DLGAP2: variants seen among roughly 807,000 people sequenced by gnomAD.
DLGAP2 encodes the protein disks large-associated protein 2.
Under a neutral mutation model 100.3 loss-of-function variants are expected in DLGAP2, and 26 were observed. The ratio of observed to expected loss-of-function variants is 0.26; its 90% CI spans 0.19 to 0.36. DLGAP2 has a LOEUF of 0.36. DLGAP2 is among the 10% of genes least tolerant of loss of function. DLGAP2 has a pLI of 1.00. For synonymous variants in DLGAP2, 886 were observed against 630.1 expected (o/e 1.41, Z -6.08); for missense variants, 1,858 against 1,453.2 (o/e 1.28, Z -4.53).
At chr8:1,265,050 C>G (rs955031602) in intron 3 of DLGAP2, among the ~76,000 whole-genome samples, 1 of 152,090 alleles carries the variant, frequency 6.6e-6, no homozygotes, top group South Asian at 2.1e-4. Flanking sequence ...CATTAAACCT[C>G]TTTTTAAAAA....
chr8:1,237,148 T>G (rs1798676960), intron 2 of DLGAP2, among the ~76,000 whole-genome samples: 2 of 137,458 alleles, frequency 1.5e-5, no homozygotes. Flanking sequence ...TCTAGTTCTC[T>G]CACATGGCGC....
rs1056296964 is a variant in DLGAP2 at position 890,725 on chromosome 8, A to G, written c.19-17187A>G. Reference sequence around the variant, plus strand: ...CAGATTCAATGTTGTCCTATCACAGATCCCCTTGGCAGAGTGTGGCTGGGA... The same window carrying G: ...CAGATTCAATGTTGTCCTATCACAGGTCCCCTTGGCAGAGTGTGGCTGGGA... On this transcript the variant is annotated intron_variant, in intron 1 of 14. Coordinates refer to ENST00000637795, the MANE Select transcript of DLGAP2 (RefSeq NM_001346810.2). 5.3e-5 allele frequency among the ~76,000 whole-genome samples: 8 copies of G among 151,896 alleles called. No individual in the cohort carries two copies. In the East Asian group the frequency reaches 1.6e-3, roughly 30 times the overall value.
chr8:923,089 C>G (rs1204789716), intron 2 of DLGAP2, among the ~76,000 whole-genome samples: 1 of 152,018 alleles, frequency 6.6e-6, no homozygotes, highest in African/African-American at 2.4e-5. Flanking sequence ...GTGGGTGTTC[C>G]CTGACTGCAG....
At chr8:1,449,668 C>G (rs1486860883) in intron 3 of DLGAP2, among the ~76,000 whole-genome samples, 3 of 152,214 alleles carry the variant, frequency 2.0e-5, no homozygotes, top group African/African-American at 7.2e-5. Context: ...AAGGTCAAGG[C>G]TTCAGCAGAA....
intron 2 of DLGAP2, among the ~76,000 whole-genome samples, chr8:1,177,665 A>T (rs1405975619): frequency 2.0e-5 from 3 of 152,208 alleles, no homozygotes; most frequent in Non-Finnish European, 4.4e-5. Flanking sequence ...TAGGTCATTT[A>T]TAAATAATAG....
intron 3 of DLGAP2, among the ~76,000 whole-genome samples, chr8:1,448,483 T>G (rs1004058377): frequency 6.6e-6 from 1 of 152,218 alleles, no homozygotes. Flanking sequence ...CTTTTACATT[T>G]GCTGAGGAGA....
At chr8:789,512 A>C (rs1821968526) in intron 1 of DLGAP2, among the ~76,000 whole-genome samples, 1 of 152,214 alleles carries the variant, frequency 6.6e-6, no homozygotes, top group African/African-American at 2.4e-5. Context: ...ATTTGACGTG[A>C]GATTTGGGTG....
Position 1,577,567 on chromosome 8 carries a change from CAA to C in DLGAP2, c.1442+11695_1442+11696del, listed in dbSNP as rs10646663. Among the ~76,000 whole-genome samples, 128 of 105,802 alleles carry C rather than the reference CAA, an allele frequency of 1.2e-3. 1 individual carries two copies. In the South Asian group the frequency reaches 0.019, roughly 15 times the overall value. The allele number at this position is 105,802 out of a possible 152,430, so 69.4% of individuals were successfully genotyped here. A position where few individuals can be genotyped will look rare whatever the true frequency, so the allele number is the denominator to read the frequency against. On this transcript the variant is annotated intron_variant, in intron 6 of 14. Transcript: ENST00000637795. Reference sequence around the variant, plus strand: ...TGGGCCACAGAATTACACTCTCTCTCAAAAAAAAAAAAAAAAAAAAAAATTTA... The same window carrying C: ...TGGGCCACAGAATTACACTCTCTCTCAAAAAAAAAAAAAAAAAAAAATTTA...
At chr8:1,488,856 T>C (rs1799297296) in intron 3 of DLGAP2, among the ~76,000 whole-genome samples, 1 of 152,084 alleles carries the variant, frequency 6.6e-6, no homozygotes, top group Non-Finnish European at 1.5e-5. Context: ...CTGCAGATAG[T>C]GGGGCATGCA....
intron 4 of DLGAP2, among the ~76,000 whole-genome samples, chr8:1,518,292 A>G (rs1201730667): frequency 1.3e-5 from 2 of 152,128 alleles, no homozygotes; most frequent in African/African-American, 4.8e-5. Flanking sequence ...CTTCATCCTC[A>G]TCTGCCAGGA....
chr8:781,938 G>C (rs759843758), intron 1 of DLGAP2, among the ~76,000 whole-genome samples: 1 of 152,128 alleles, frequency 6.6e-6, no homozygotes, highest in Non-Finnish European at 1.5e-5. Flanking sequence ...GGAGCTGGGG[G>C]GATGGAGAGA....
At chr8:1,484,869 C>T (rs1383706086) in intron 3 of DLGAP2, among the ~76,000 whole-genome samples, 1 of 152,190 alleles carries the variant, frequency 6.6e-6, no homozygotes, top group Non-Finnish European at 1.5e-5. Context: ...AGAGAGCAGA[C>T]CTGGTCTCTC....
At chr8:1,603,033 G>A (rs1039296727) in intron 6 of DLGAP2, among the ~76,000 whole-genome samples, 2 of 152,144 alleles carry the variant, frequency 1.3e-5, no homozygotes, top group African/African-American at 4.8e-5. Flanking sequence ...GGTTAGAGCG[G>A]AGGCTGGGTC....
chr8:1,240,522 G>T (rs1798764376), intron 2 of DLGAP2, among the ~76,000 whole-genome samples: 1 of 147,152 alleles, frequency 6.8e-6, no homozygotes, highest in African/African-American at 2.5e-5. Context: ...TCTCTCACAT[G>T]GCACCGTGTC....
At chr8:1,534,086 C>A (rs1801075180) in intron 4 of DLGAP2, among the ~76,000 whole-genome samples, 1 of 152,128 alleles carries the variant, frequency 6.6e-6, no homozygotes, top group Non-Finnish European at 1.5e-5. Flanking sequence ...AAATTGTCAG[C>A]AGGTTATAAA....
intron 2 of DLGAP2, among the ~76,000 whole-genome samples, chr8:970,784 T>C (rs945712214): frequency 6.6e-6 from 1 of 152,216 alleles, no homozygotes; most frequent in African/African-American, 2.4e-5. Context: ...ACAAAGCTTC[T>C]AGTATATTCT....
intron 3 of DLGAP2, among the ~76,000 whole-genome samples, chr8:1,341,352 C>T (rs915927519): frequency 4.6e-5 from 7 of 152,178 alleles, no homozygotes; most frequent in African/African-American, 1.7e-4. Flanking sequence ...GTCCTTTTGG[C>T]ATACTTTCTT....
intron 2 of DLGAP2, among the ~76,000 whole-genome samples, chr8:979,126 C>G (rs965167595): frequency 6.6e-6 from 1 of 152,166 alleles, no homozygotes; most frequent in Non-Finnish European, 1.5e-5. Flanking sequence ...GAGTGCAGTT[C>G]TTGAATCCAG....
intron 2 of DLGAP2, among the ~76,000 whole-genome samples, chr8:1,082,748 T>A (rs922434208): frequency 3.9e-5 from 6 of 152,140 alleles, no homozygotes; most frequent in African/African-American, 1.2e-4. Flanking sequence ...TTATCTAGAT[T>A]GAAAAACCTG....
Sources: allele counts gnomAD v4.1 joint callset (sites outside exome capture counted in the v4.1 genomes callset), GRCh38; gene constraint gnomAD v4.1.1; transcripts MANE v1.5; gene names NCBI Gene and HGNC (gene_info 2026-07-23, HGNC 2026-07-21).